RETREG1: variants seen among roughly 807,000 people sequenced by gnomAD.
RETREG1 encodes reticulophagy regulator 1.
RETREG1 carries 44 observed loss-of-function variants against 54.8 expected under a neutral mutation model. The ratio of observed to expected loss-of-function variants is 0.80; its 90% CI spans 0.63 to 1.03. RETREG1 has a LOEUF of 1.03. Ranked by LOEUF, RETREG1 falls within the 50% of genes least tolerant of loss-of-function variation. The pLI, the probability that RETREG1 is intolerant of heterozygous loss-of-function variation, is 0.00. For synonymous variants in RETREG1, 217 were observed against 238.5 expected, an observed-to-expected ratio of 0.91 and a Z score of 0.83; for missense variants, 554 against 605.1, an observed-to-expected ratio of 0.92 and a Z score of 0.89.
In RETREG1 at chr5:16,478,198, C is replaced by T. The variant is rs1037762065; in HGVS notation, c.809-100G>A. On this transcript the variant is annotated intron_variant, in intron 6 of 8. Transcript: ENST00000306320. ...TCTTACCCCACATTTCTCATATTCT[C>T]CAAATACAAATATATATTTCTCATA... 3.3e-5 allele frequency: 24 copies of T among 731,200 alleles called. No homozygotes were observed. The African/African-American group carries it at 4.1e-4, about 12-fold the overall frequency. The allele number at this position is 731,200 out of a possible 1,614,324, so 45.3% of individuals were successfully genotyped here. A position where few individuals can be genotyped will look rare whatever the true frequency, so the allele number is the denominator to read the frequency against.
At chr5:16,522,011 A>G (rs1358169296) in intron 3 of RETREG1, among the ~76,000 whole-genome samples, 1 of 152,162 alleles carries the variant, frequency 6.6e-6, no homozygotes, top group East Asian at 1.9e-4. Flanking sequence ...TCTTGGCTGC[A>G]TGAGCTTCAC....
intron 4 of RETREG1, among the ~76,000 whole-genome samples, chr5:16,482,302 A>G (rs943599972): frequency 2.6e-5 from 4 of 152,052 alleles, no homozygotes; most frequent in Non-Finnish European, 5.9e-5. Flanking sequence ...CATTTGTAGC[A>G]TCATCATTTT....
At chr5:16,554,211 C>T (rs1049335298) in intron 3 of RETREG1, among the ~76,000 whole-genome samples, 2 of 152,186 alleles carry the variant, frequency 1.3e-5, no homozygotes, top group Non-Finnish European at 2.9e-5. Context: ...AAAAGACACT[C>T]GGCCTGGCTG....
intron 3 of RETREG1, among the ~76,000 whole-genome samples, chr5:16,549,132 G>T (rs1284114387): frequency 6.6e-6 from 1 of 152,186 alleles, no homozygotes; most frequent in Non-Finnish European, 1.5e-5. Context: ...TAGAGGAAAA[G>T]CTTTCTCTTG....
chr5:16,489,538 T>G (rs1739168973), intron 3 of RETREG1, among the ~76,000 whole-genome samples: 1 of 152,244 alleles, frequency 6.6e-6, no homozygotes. Context: ...ATAGTATCTT[T>G]GAGCACTAGA....
intron 1 of RETREG1, among the ~76,000 whole-genome samples, chr5:16,573,439 C>T (rs1561125518): frequency 6.6e-6 from 1 of 151,940 alleles, no homozygotes; most frequent in African/African-American, 2.4e-5. Flanking sequence ...GGCCAAGCTG[C>T]CAATGAATAT....
intron 8 of RETREG1, among the ~76,000 whole-genome samples, chr5:16,477,321 A>C (rs1383427259): frequency 6.6e-6 from 1 of 152,052 alleles, no homozygotes; most frequent in Non-Finnish European, 1.5e-5. Flanking sequence ...CACTTTCATC[A>C]CTCCAAAAAG....
chr5:16,505,052 C>T (rs1330321286), intron 3 of RETREG1, among the ~76,000 whole-genome samples: 1 of 152,212 alleles, frequency 6.6e-6, no homozygotes, highest in Admixed American at 6.5e-5. Flanking sequence ...TTACGAATGA[C>T]GTTTCGGCTT....
At chr5:16,565,843 CT>C (rs1416428425) in intron 2 of RETREG1, 50 bp from the exon 3 acceptor site, 2 of 1,592,078 alleles carry the variant, frequency 1.3e-6, no homozygotes, top group African/African-American at 2.7e-5. Flanking sequence ...TATTTTTCTC[CT>C]GAAATATTTC....
chr5:16,514,336 G>T (rs1340972456), intron 3 of RETREG1, among the ~76,000 whole-genome samples: 1 of 152,146 alleles, frequency 6.6e-6, no homozygotes, highest in Non-Finnish European at 1.5e-5. Context: ...TGTGGGATCT[G>T]TAACCAGAAA....
chr5:16,531,877 G>A (rs148676446), intron 3 of RETREG1, among the ~76,000 whole-genome samples: 3 of 152,286 alleles, frequency 2.0e-5, no homozygotes, highest in Non-Finnish European at 2.9e-5. Context: ...ATTTTGCTCC[G>A]TGTATCCTGA....
At chr5:16,520,198 G>A (rs891197471) in intron 3 of RETREG1, among the ~76,000 whole-genome samples, 88 of 152,276 alleles carry the variant, frequency 5.8e-4, no homozygotes, top group African/African-American at 1.8e-3. Context: ...ACAGAAACAC[G>A]GGCGAAGAGT....
chr5:16,502,288 G>C (rs922941154), intron 3 of RETREG1, among the ~76,000 whole-genome samples: 1 of 152,078 alleles, frequency 6.6e-6, no homozygotes, highest in Non-Finnish European at 1.5e-5. Context: ...CTTTCAGTTA[G>C]TTGTAAATTA....
At chr5:16,596,238 C>G (rs3849104) in intron 1 of RETREG1, among the ~76,000 whole-genome samples, 1,579 of 152,282 alleles carry the variant, frequency 0.01, 23 homozygotes, top group African/African-American at 0.036. Context: ...GCAACTTGAT[C>G]ATAGAAATAA....
rs1278677950 is a variant in RETREG1, at chr5:16,481,096, G to A, written c.586-3C>T. The A allele has an allele frequency of 6.2e-7, 1 of 1,604,512 alleles. No homozygotes were observed. Among genetic ancestry groups the A allele is most frequent in the Admixed American group, 1.7e-5 (1 of 59,782 alleles). ...ACACTACAGACCAGGAGACAAAACT[G>A]GAAATAATAGAAATAACATGGGATA... is the stretch of plus-strand genomic sequence containing the variant. On this transcript the variant is annotated splice_polypyrimidine_tract_variant and splice_region_variant and intron_variant, in intron 4 of 8. Transcript: ENST00000306320.
intron 1 of RETREG1, among the ~76,000 whole-genome samples, chr5:16,576,594 C>G (rs375262098): frequency 6.6e-6 from 1 of 151,990 alleles, no homozygotes; most frequent in Non-Finnish European, 1.5e-5. Flanking sequence ...CAAGCAATTC[C>G]CCTGCCTCAG....
At position 16,576,476 on chromosome 5, in the gene RETREG1, TTTTA is replaced by T. The variant is rs1026472497; in HGVS notation, c.321-4378_321-4375del. On this transcript the variant is annotated intron_variant, in intron 1 of 8. Transcript: ENST00000306320. ...CCCAGCTAGTTTTTGTATCTTTATT[TTTTA>T]TTTATTTATTTTTTTATTTTTTGAG... 9.2e-5 allele frequency among the ~76,000 whole-genome samples: 14 copies of T among 151,638 alleles called. No individual in the cohort carries two copies. The East Asian group carries it at 9.7e-4, about 11-fold the overall frequency.
At chr5:16,577,833 A>G (rs1018841796) in intron 1 of RETREG1, among the ~76,000 whole-genome samples, 3 of 152,202 alleles carry the variant, frequency 2.0e-5, no homozygotes, top group Admixed American at 6.5e-5. Context: ...CCTTTTGCTT[A>G]GCTCTCATTC....
intron 3 of RETREG1, among the ~76,000 whole-genome samples, chr5:16,489,634 T>C (rs895696806): frequency 6.6e-6 from 1 of 152,234 alleles, no homozygotes; most frequent in African/African-American, 2.4e-5. Context: ...TTAATAAATA[T>C]GCAGTGAATG....
Sources: gnomAD v4.1 joint callset for allele counts (sites outside exome capture counted in the v4.1 genomes callset) on GRCh38, gnomAD v4.1.1 for gene constraint, MANE v1.5 for transcripts, NCBI Gene and HGNC (gene_info 2026-07-23, HGNC 2026-07-21) for gene names.